NPAS2: variants seen among roughly 807,000 people sequenced by gnomAD.
The protein encoded by NPAS2 is neuronal PAS domain-containing protein 2.
Under a neutral mutation model 107.5 loss-of-function variants are expected in NPAS2, and 23 were observed. The observed-to-expected ratio is 0.21, with a 90% CI of 0.15 to 0.30. NPAS2 has a LOEUF of 0.30. NPAS2 is among the 10% of genes least tolerant of loss of function. The pLI is 1.00. For synonymous variants in NPAS2, 403 were observed against 417.5 expected (o/e 0.97, Z 0.42); for missense variants, 756 against 1,043.3 (o/e 0.72, Z 3.79).
At chr2:100,881,541 T>C (rs1558835893) in intron 1 of NPAS2, among the ~76,000 whole-genome samples, 1 of 152,162 alleles carries the variant, frequency 6.6e-6, no homozygotes, top group East Asian at 1.9e-4. Context: ...CAAAAATTAG[T>C]CAGGCGTGGT....
rs186375350 is a variant in NPAS2, at chr2:100,987,684, C to A, written c.1630-395C>A. 4.1e-4 allele frequency: 79 copies of A among 194,016 alleles called. 1 individual carries two copies. The highest frequency in any genetic ancestry group is 8.1e-4 in the South Asian group (7 of 8,676). 12.0% of individuals were successfully genotyped at this position (194,016 alleles called of 1,614,324 possible). On this transcript the variant is annotated intron_variant, in intron 16 of 20. Coordinates refer to ENST00000335681, the MANE Select transcript of NPAS2 (RefSeq NM_002518.4). ...ATCCCTCTGCCCCTATATCATGAGG[C>A]AATATTATCATGACTGCATCATGCA...
rs1676072686 is a variant in NPAS2 at position 100,964,077 on chromosome 2, T to C, written c.618T>C (p.Asn206=). The C allele has an allele frequency of 6.2e-7, 1 of 1,613,590 alleles. No individual in the cohort carries two copies. Among genetic ancestry groups the C allele is most frequent in the Non-Finnish European group, 8.5e-7 (1 of 1,179,508 alleles). The change falls in exon 8 of 21, where the codon AAT becomes AAC. Residue 206 remains asparagine, a synonymous_variant. Coordinates refer to ENST00000335681, the MANE Select transcript of NPAS2 (RefSeq NM_002518.4). ...SYNNVPSPSC[N]GFDNTLSRPC... is the part of the protein sequence containing the mutation. ...CCCCAGTGCCTAGCCCCTCCTGTAA[T>C]GGTTTTGACAACACCCTTTCAAGAC...
At chr2:100,877,465 AAAG>A (rs1680050882) in intron 1 of NPAS2, among the ~76,000 whole-genome samples, 1 of 151,490 alleles carries the variant, frequency 6.6e-6, no homozygotes, top group Non-Finnish European at 1.5e-5. Context: ...AAAAAAAAAA[AAAG>A]AAATGGTTGA....
chr2:100,931,462 G>C (rs1435731405), intron 3 of NPAS2, among the ~76,000 whole-genome samples: 3 of 151,692 alleles, frequency 2.0e-5, no homozygotes, highest in Non-Finnish European at 4.4e-5. Flanking sequence ...AGGTTCACAG[G>C]GTGATGCGCA....
intron 2 of NPAS2, among the ~76,000 whole-genome samples, chr2:100,909,251 C>A (rs749436004): frequency 6.6e-6 from 1 of 152,094 alleles, no homozygotes. Context: ...CGCTTTCAGG[C>A]AAGTTAGAGA....
At chr2:100,842,081 G>GCGCGCGTGCGCGCACGCGCGCA in intron 1 of NPAS2, among the ~76,000 whole-genome samples, 123 of 148,900 alleles carry the variant, frequency 8.3e-4, no homozygotes, top group African/African-American at 2.8e-3. Flanking sequence ...GCATGTACGC[G>GCGCGCGTGCGCGCACGCGCGCA]CACACACACA....
At chr2:100,884,868 T>G (rs1680593698) in intron 1 of NPAS2, among the ~76,000 whole-genome samples, 2 of 152,094 alleles carry the variant, frequency 1.3e-5, no homozygotes, top group African/African-American at 4.8e-5. Flanking sequence ...GCCGTTTTGT[T>G]TTAAAATATA....
intron 2 of NPAS2, among the ~76,000 whole-genome samples, chr2:100,918,550 T>C (rs1279131246): frequency 1.3e-5 from 2 of 152,058 alleles, no homozygotes; most frequent in Non-Finnish European, 2.9e-5. Context: ...CAAAACTCAA[T>C]AGTAAGGAAA....
intron 1 of NPAS2, among the ~76,000 whole-genome samples, chr2:100,856,327 T>G (rs1678551721): frequency 6.6e-6 from 1 of 152,210 alleles, no homozygotes; most frequent in African/African-American, 2.4e-5. Flanking sequence ...GAGAACTGTT[T>G]CGTTACATGA....
intron 1 of NPAS2, among the ~76,000 whole-genome samples, chr2:100,875,247 CA>C (rs1418963162): frequency 2.0e-5 from 3 of 152,072 alleles, no homozygotes; most frequent in Non-Finnish European, 2.9e-5. Flanking sequence ...TTCCTAGATA[CA>C]AAAAGCAGAA....
chr2:100,993,973 G>A (rs1408646059), intron 20 of NPAS2: 1 of 155,322 alleles, frequency 6.4e-6, no homozygotes. Context: ...GTGTGAAATT[G>A]GGCTTGCCAG....
chr2:100,864,707 C>T (rs1558820001), intron 1 of NPAS2, among the ~76,000 whole-genome samples: 1 of 152,120 alleles, frequency 6.6e-6, no homozygotes. Context: ...CATTTGTAAC[C>T]AAGGATTTAT....
At chr2:100,945,375 A>G (rs1028684596) in intron 5 of NPAS2, among the ~76,000 whole-genome samples, 2 of 152,024 alleles carry the variant, frequency 1.3e-5, no homozygotes, top group Non-Finnish European at 2.9e-5. Flanking sequence ...CTCAGCAAGT[A>G]TTGTTTGGAC....
chr2:100,942,522 A>G (rs7605434), intron 5 of NPAS2, among the ~76,000 whole-genome samples: 15,856 of 151,860 alleles, frequency 0.1, 865 homozygotes, highest in South Asian at 0.24. Context: ...CTCTAGTTAG[A>G]TTTTTTTTAT....
chr2:100,885,674 A>G (rs1001452450), intron 1 of NPAS2, among the ~76,000 whole-genome samples: 3 of 152,148 alleles, frequency 2.0e-5, no homozygotes, highest in Non-Finnish European at 4.4e-5. Flanking sequence ...ACTAATGTAT[A>G]GCCTATTTAT....
At chr2:100,932,817 A>G in intron 3 of NPAS2, 93 bp from the exon 4 acceptor site, 1 of 878,710 alleles carries the variant, frequency 1.1e-6, no homozygotes, top group Non-Finnish European at 1.9e-6. Context: ...AGAAGTTTAC[A>G]CAAAATTACA....
At chr2:100,914,170 GGTGTGT>G (rs148172357) in intron 2 of NPAS2, among the ~76,000 whole-genome samples, 1 of 152,112 alleles carries the variant, frequency 6.6e-6, no homozygotes, top group East Asian at 1.9e-4. Context: ...TATGGGTGTG[GGTGTGT>G]GTGTGACACT....
At chr2:100,883,625 A>G (rs115262441) in intron 1 of NPAS2, among the ~76,000 whole-genome samples, 455 of 152,200 alleles carry the variant, frequency 3.0e-3, no homozygotes, top group African/African-American at 0.01. Flanking sequence ...CCCAGTCTCC[A>G]TAGGTTCTTA....
At position 100,871,233 on chromosome 2, in the gene NPAS2, G is replaced by A. The variant is rs12464152; in HGVS notation, c.-22-33500G>A. ...TCCCACTGTGGTAGCCCATCAAACT[G>A]AAAATATTTACCATATCTCACTTTG... On this transcript the variant is annotated intron_variant, in intron 1 of 20. Coordinates refer to ENST00000335681, the MANE Select transcript of NPAS2 (RefSeq NM_002518.4). Among the ~76,000 whole-genome samples, 885 of 151,888 alleles carry A rather than the reference G, an allele frequency of 5.8e-3. 52 individuals carry two copies. The East Asian group carries it at 0.14, about 23-fold the overall frequency.
Sources: allele counts gnomAD v4.1 joint callset (sites outside exome capture counted in the v4.1 genomes callset), GRCh38; gene constraint gnomAD v4.1.1; transcripts MANE v1.5; gene names NCBI Gene and HGNC (gene_info 2026-07-23, HGNC 2026-07-21).